The following CPQ variants were observed in gnomAD, a reference collection of about 807,000 sequenced individuals.
The protein encoded by CPQ is carboxypeptidase Q, also known as Ser-Met dipeptidase.
Under a neutral mutation model 45.7 loss-of-function variants are expected in CPQ, and 37 were observed. That is an observed-to-expected ratio of 0.81 (90% confidence interval 0.62 to 1.07). CPQ has a LOEUF of 1.07. Ranked by LOEUF, CPQ falls within the 50% of genes least tolerant of loss-of-function variation. The pLI is 0.00. For missense variants in CPQ, 537 were observed against 572.9 expected (o/e 0.94, Z 0.64); for synonymous variants, 186 against 205.8 (o/e 0.90, Z 0.82).
chr8:96,748,598 C>T (rs1810220172), intron 1 of CPQ, among the ~76,000 whole-genome samples: 1 of 152,002 alleles, frequency 6.6e-6, no homozygotes, highest in Admixed American at 6.6e-5. Flanking sequence ...GTTTGGCTCT[C>T]TCTGAGTTTT....
At chr8:96,870,792 T>C (rs928321442) in intron 3 of CPQ, among the ~76,000 whole-genome samples, 1 of 152,024 alleles carries the variant, frequency 6.6e-6, no homozygotes, top group African/African-American at 2.4e-5. Context: ...TATTTTGTGA[T>C]TTTTGACAGA....
intron 3 of CPQ, among the ~76,000 whole-genome samples, chr8:96,844,598 G>A (rs1290716034): frequency 6.6e-6 from 1 of 152,192 alleles, no homozygotes; most frequent in East Asian, 1.9e-4. Context: ...ATGAAATCAA[G>A]CCCTTGACAC....
chr8:97,081,348 C>T (rs1417222657), intron 7 of CPQ, among the ~76,000 whole-genome samples: 1 of 152,080 alleles, frequency 6.6e-6, no homozygotes, highest in Non-Finnish European at 1.5e-5. Flanking sequence ...TTCAGTTGCC[C>T]CCCCATACGC....
At chr8:96,684,735 G>A (rs1809203208) in intron 1 of CPQ, among the ~76,000 whole-genome samples, 2 of 152,126 alleles carry the variant, frequency 1.3e-5, no homozygotes, top group African/African-American at 2.4e-5. Flanking sequence ...GGGAAAGTGA[G>A]CCTGTCCTCA....
chr8:96,963,875 G>A lies in CPQ; in HGVS notation c.850-2060G>A, dbSNP rs569345411. Among the ~76,000 whole-genome samples the A allele has an allele frequency of 1.0e-3, 152 of 151,836 alleles. 1 individual carries two copies. Among genetic ancestry groups the A allele is most frequent in the African/African-American group, 3.3e-3 (137 of 41,404 alleles). On this transcript the variant is annotated intron_variant, in intron 4 of 7. Coordinates refer to ENST00000220763, the MANE Select transcript of CPQ (RefSeq NM_016134.4). ...AAGAGTAATCACTCTCCTGTTTTGCGTGTTTTTATACTTTATATAAATGGA... is the reference window on the plus strand; with the variant it reads ...AAGAGTAATCACTCTCCTGTTTTGCATGTTTTTATACTTTATATAAATGGA...
chr8:96,793,619 G>C (rs995502617), intron 2 of CPQ, among the ~76,000 whole-genome samples: 1 of 152,160 alleles, frequency 6.6e-6, no homozygotes, highest in Non-Finnish European at 1.5e-5. Context: ...AACCAATCAT[G>C]CTTTCCCAAC....
Position 96,835,128 on chromosome 8 carries a change from G to A in CPQ, c.589G>A (p.Val197Met), listed in dbSNP as rs373864966. The A allele has an allele frequency of 1.3e-5, 20 of 1,586,794 alleles. No homozygotes were observed. Among genetic ancestry groups the A allele is most frequent in the Non-Finnish European group, 1.5e-5 (18 of 1,164,768 alleles). ...RTQGAVEAAKVGALASLIRSV... is the reference protein window; with the variant it reads ...RTQGAVEAAKMGALASLIRSV... Reference sequence around the variant, plus strand: ...GCAGGGGGCGGTGGAAGCTGCCAAGGTGGGGGCTTTGGCATCTCTCATTCG... The same window carrying A: ...GCAGGGGGCGGTGGAAGCTGCCAAGATGGGGGCTTTGGCATCTCTCATTCG... Residue 197 changes from valine to methionine, a missense_variant, in exon 3 of 8, where the codon GTG becomes ATG. Transcript: ENST00000220763.
chr8:97,027,210 G>A (rs1247440991), intron 5 of CPQ, among the ~76,000 whole-genome samples: 1 of 152,008 alleles, frequency 6.6e-6, no homozygotes, highest in Non-Finnish European at 1.5e-5. Flanking sequence ...ATCCTGATTA[G>A]ATTTCTTCCT....
chr8:96,937,907 G>A (rs1057507274), intron 4 of CPQ, among the ~76,000 whole-genome samples: 1 of 152,198 alleles, frequency 6.6e-6, no homozygotes, highest in Non-Finnish European at 1.5e-5. Context: ...TAGGCACAGG[G>A]AATGTTGAGA....
intron 6 of CPQ, among the ~76,000 whole-genome samples, chr8:97,065,608 C>A (rs1810622720): frequency 6.6e-6 from 1 of 152,178 alleles, no homozygotes; most frequent in African/African-American, 2.4e-5. Context: ...ACAGAGCATA[C>A]CTTCTTTTGT....
chr8:97,127,579 C>T (rs910115100), intron 7 of CPQ, among the ~76,000 whole-genome samples: 2 of 152,086 alleles, frequency 1.3e-5, no homozygotes, highest in African/African-American at 2.4e-5. Flanking sequence ...GTCCCAGCTA[C>T]TCAGGAGGCT....
intron 7 of CPQ, among the ~76,000 whole-genome samples, chr8:97,069,565 A>T (rs767704509): frequency 5.1e-4 from 77 of 152,162 alleles, no homozygotes; most frequent in Admixed American, 2.5e-3. Flanking sequence ...AAAAGAAAAA[A>T]GTAAAAATAT....
chr8:96,797,227 A>T (rs531614314), intron 2 of CPQ, among the ~76,000 whole-genome samples: 1 of 152,320 alleles, frequency 6.6e-6, no homozygotes, highest in East Asian at 1.9e-4. Flanking sequence ...GGTGACACTT[A>T]AATTACTTCT....
At chr8:97,129,947 G>A (rs553640070) in intron 7 of CPQ, among the ~76,000 whole-genome samples, 1 of 152,232 alleles carries the variant, frequency 6.6e-6, no homozygotes, top group Non-Finnish European at 1.5e-5. Context: ...ATCCTTCTAC[G>A]CAAGTCCTGC....
intron 1 of CPQ, among the ~76,000 whole-genome samples, chr8:96,749,612 T>A (rs1490325492): frequency 6.6e-6 from 1 of 152,110 alleles, no homozygotes; most frequent in African/African-American, 2.4e-5. Flanking sequence ...AGCTGAGGAC[T>A]CTGGATGGGA....
Position 97,143,004 on chromosome 8 carries a change from C to T in CPQ, c.1256-16C>T, listed in dbSNP as rs1325166674. On this transcript the variant is annotated splice_polypyrimidine_tract_variant and intron_variant, in intron 7 of 7. Coordinates refer to ENST00000220763, the MANE Select transcript of CPQ (RefSeq NM_016134.4). ...TCAAAATACTCCACTAAGAATTCTT[C>T]CTCTTTTATCCCCAGGAGCCAGTCT... 1 of 1,612,356 alleles carries T rather than the reference C, an allele frequency of 6.2e-7. No individual in the cohort carries two copies. The highest frequency in any genetic ancestry group is 1.3e-5 in the African/African-American group (1 of 74,832).
At chr8:96,705,278 A>G (rs1809518140) in intron 1 of CPQ, among the ~76,000 whole-genome samples, 1 of 151,878 alleles carries the variant, frequency 6.6e-6, no homozygotes, top group African/African-American at 2.4e-5. Context: ...GAGAGTAGAG[A>G]TTTTGTTCTT....
intron 6 of CPQ, among the ~76,000 whole-genome samples, chr8:97,031,141 T>C (rs1804452887): frequency 6.6e-6 from 1 of 151,458 alleles, no homozygotes; most frequent in Non-Finnish European, 1.5e-5. Flanking sequence ...TAAAATTCTA[T>C]ACATATTGGA....
chr8:96,718,775 T>C (rs1809721598), intron 1 of CPQ, among the ~76,000 whole-genome samples: 1 of 152,108 alleles, frequency 6.6e-6, no homozygotes, highest in Admixed American at 6.6e-5. Flanking sequence ...ACAAAGGTTC[T>C]CCATGTCCCC....
Sources: allele counts gnomAD v4.1 joint callset (sites outside exome capture counted in the v4.1 genomes callset), GRCh38; gene constraint gnomAD v4.1.1; transcripts MANE v1.5; gene names NCBI Gene and HGNC (gene_info 2026-07-23, HGNC 2026-07-21).